C10orf53: variants seen among roughly 807,000 people sequenced by gnomAD.
C10orf53 encodes UPF0728 protein C10orf53.
A neutral mutation model predicts 9.4 loss-of-function variants in C10orf53; 8 were observed. The ratio of observed to expected loss-of-function variants is 0.85; its 90% CI spans 0.50 to 1.53. The LOEUF (loss-of-function observed/expected upper bound fraction) is 1.53, where lower values mean the gene tolerates loss of function less well. Among genes scored for constraint, C10orf53 ranks in the 40% most tolerant of loss-of-function variants. The probability of loss-of-function intolerance (pLI) is 0.00; values close to 1 mark genes in which losing one functional copy is unlikely to be tolerated. For synonymous variants in C10orf53, 48 were observed against 46.0 expected (o/e 1.04, Z -0.18); for missense variants, 117 against 117.8 (o/e 0.99, Z 0.03).
chr10:49,693,169 A>G (rs1228795299), intron 1 of C10orf53, among the ~76,000 whole-genome samples: 4 of 152,244 alleles, frequency 2.6e-5, no homozygotes, highest in Admixed American at 6.5e-5. Flanking sequence ...ATCTCATCAC[A>G]TGGACATTCC....
chr10:49,691,328 G>A (rs1482759870), intron 1 of C10orf53, among the ~76,000 whole-genome samples: 1 of 152,230 alleles, frequency 6.6e-6, no homozygotes, highest in East Asian at 1.9e-4. Flanking sequence ...TGTAGACTCT[G>A]AGGTAGCTTG....
chr10:49,694,380 A>G, intron 2 of C10orf53, 158 bp from the exon 3 acceptor site: 5 of 1,036,380 alleles, frequency 4.8e-6, no homozygotes, highest in Non-Finnish European at 6.9e-6. Context: ...CAGAAGTTAA[A>G]GCTTTGCAAT....
intron 1 of C10orf53, among the ~76,000 whole-genome samples, chr10:49,692,201 C>A (rs1366172303): frequency 6.6e-6 from 1 of 152,228 alleles, no homozygotes; most frequent in African/African-American, 2.4e-5. Context: ...GAACGAGACA[C>A]TTAAACAGGA....
chr10:49,698,662 C>T (rs904255586), downstream of C10orf53, among the ~76,000 whole-genome samples: 6 of 152,130 alleles, frequency 3.9e-5, no homozygotes, highest in Non-Finnish European at 5.9e-5. Flanking sequence ...GGGCATAAGG[C>T]GTGTGGAACT....
intron 1 of C10orf53, 86 bp downstream of exon 1, chr10:49,679,880 G>C (rs1404800401): frequency 3.2e-6 from 4 of 1,237,618 alleles, no homozygotes; most frequent in African/African-American, 1.6e-5. Flanking sequence ...GCCTTCCTCA[G>C]ACCCCCACGA....
chr10:49,709,214 C>T (rs1342081953), exon 3 of C10orf53: 1 of 153,764 alleles, frequency 6.5e-6, no homozygotes, highest in African/African-American at 2.4e-5. Flanking sequence ...GGGGAATGCA[C>T]TGGCCCTAGA....
exon 3 of C10orf53, chr10:49,709,819 A>G (rs1840749720): frequency 6.6e-6 from 1 of 152,292 alleles, no homozygotes; most frequent in Non-Finnish European, 1.5e-5. Context: ...TGCCCAACTC[A>G]AGCAGCAACT....
chr10:49,699,087 A>G (rs147750977), downstream of C10orf53, among the ~76,000 whole-genome samples: 764 of 152,174 alleles, frequency 5.0e-3, 7 homozygotes, highest in African/African-American at 0.017. Flanking sequence ...CTTTTTGGCC[A>G]ACAGTAAAAT....
At chr10:49,693,689 CT>C (rs1840606421) in intron 1 of C10orf53, 84 bp from the exon 2 acceptor site, 1 of 1,462,250 alleles carries the variant, frequency 6.8e-7, no homozygotes, top group African/African-American at 1.4e-5. Context: ...GGCAGACAAG[CT>C]ACTGTCATCA....
chr10:49,696,731 A>G lies in C10orf53; in HGVS notation c.*2129A>G, dbSNP rs548991134. On this transcript the variant is annotated 3_prime_UTR_variant, in exon 3 of 3. Coordinates refer to ENST00000374111, the MANE Select transcript of C10orf53 (RefSeq NM_001042427.3). ...TGAATCAGCATTGCTGGGAAAAATC[A>G]CCGAGGTTTCCTCTGAGCAGTGGGA... is the stretch of plus-strand genomic sequence containing the variant. Among the ~76,000 whole-genome samples the G allele has an allele frequency of 1.3e-5, 2 of 151,500 alleles. No homozygotes were observed. The highest frequency in any genetic ancestry group is 4.9e-5 in the African/African-American group (2 of 41,210).
chr10:49,685,865 T>C (rs1223468420), intron 1 of C10orf53, among the ~76,000 whole-genome samples: 1 of 152,256 alleles, frequency 6.6e-6, no homozygotes, highest in Non-Finnish European at 1.5e-5. Flanking sequence ...GGTATTTTCA[T>C]GTCTTTCATC....
intron 2 of C10orf53, 58 bp downstream of exon 2, chr10:49,693,951 A>G (rs1261154684): frequency 5.0e-6 from 8 of 1,608,462 alleles, no homozygotes; most frequent in Non-Finnish European, 6.8e-6. Context: ...GAGTCCCTCA[A>G]TTTCTAGTTG....
At chr10:49,698,566 A>G (rs1320245368), downstream of C10orf53, among the ~76,000 whole-genome samples, 2 of 152,180 alleles carry the variant, frequency 1.3e-5, no homozygotes, top group Non-Finnish European at 2.9e-5. Flanking sequence ...CAATCAACAA[A>G]TGCCCTGGGG....
At chr10:49,689,975 C>T (rs1392701833) in intron 1 of C10orf53, among the ~76,000 whole-genome samples, 1 of 151,838 alleles carries the variant, frequency 6.6e-6, no homozygotes, top group Non-Finnish European at 1.5e-5. Context: ...GAGGTGGGTC[C>T]GAGAGGGATG....
rs1300939073 is a variant in C10orf53 at position 49,694,917 on chromosome 10, T to C, written c.*315T>C. The C allele has an allele frequency of 4.5e-6, 5 of 1,120,504 alleles. No homozygotes were observed. Among genetic ancestry groups the C allele is most frequent in the Non-Finnish European group, 5.5e-6 (5 of 915,426 alleles). The allele number at this position is 1,120,504 out of a possible 1,614,324, so 69.4% of individuals were successfully genotyped here. ...CAATCAAATAACAAGGTGCCATTCC[T>C]GACTAATAACACATAGTTGCCAGAA... On this transcript the variant is annotated 3_prime_UTR_variant, in exon 3 of 3. Transcript: ENST00000374111.
chr10:49,685,626 C>CTT (rs1470321227), intron 1 of C10orf53, among the ~76,000 whole-genome samples: 1 of 152,098 alleles, frequency 6.6e-6, no homozygotes, highest in Admixed American at 6.5e-5. Context: ...ACAACAGGTT[C>CTT]TTGTTTTTTT....
chr10:49,700,229 A>G (rs1179408669), downstream of C10orf53, among the ~76,000 whole-genome samples: 1 of 152,240 alleles, frequency 6.6e-6, no homozygotes, highest in African/African-American at 2.4e-5. Context: ...GTTCTGATTT[A>G]ATGGGTCTGG....
intron 1 of C10orf53, among the ~76,000 whole-genome samples, chr10:49,688,857 A>G (rs1435302909): frequency 6.6e-6 from 1 of 152,112 alleles, no homozygotes. Flanking sequence ...CATCCCAACA[A>G]AAATGTCAAC....
chr10:49,689,437 C>T (rs1435617106), intron 1 of C10orf53, among the ~76,000 whole-genome samples: 1 of 152,072 alleles, frequency 6.6e-6, no homozygotes, highest in Non-Finnish European at 1.5e-5. Context: ...GAACTGTCAC[C>T]TTTAGAGGAC....
Sources: gnomAD v4.1 joint callset for allele counts (sites outside exome capture counted in the v4.1 genomes callset) on GRCh38, gnomAD v4.1.1 for gene constraint, MANE v1.5 for transcripts, NCBI Gene and HGNC (gene_info 2026-07-23, HGNC 2026-07-21) for gene names.